RDH13: variants seen among roughly 807,000 people sequenced by gnomAD.
The protein encoded by RDH13 is retinol dehydrogenase 13 (all-trans and 9-cis).
Under a neutral mutation model 28.3 loss-of-function variants are expected in RDH13, and 35 were observed. That is an observed-to-expected ratio of 1.24 (90% CI 0.95 to 1.64). The LOEUF (loss-of-function observed/expected upper bound fraction) is 1.64, where lower values mean the gene tolerates loss of function less well. Ranked by LOEUF, RDH13 falls within the 40% of genes most tolerant of loss-of-function variation. The pLI, the probability that RDH13 is intolerant of heterozygous loss-of-function variation, is 0.00. For missense variants in RDH13, 514 were observed against 446.3 expected (o/e 1.15, Z -1.37); for synonymous variants, 229 against 198.5 (o/e 1.15, Z -1.29).
At chr19:55,054,908 CTACAATGTA>C (rs1027459998) in intron 3 of RDH13, among the ~76,000 whole-genome samples, 2 of 152,022 alleles carry the variant, frequency 1.3e-5, no homozygotes, top group African/African-American at 4.8e-5. Flanking sequence ...TTTAGCCATT[CTACAATGTA>C]TACAATGTAC....
Position 55,049,017 on chromosome 19 carries a change from C to A in RDH13, c.341-254G>T, listed in dbSNP as rs577570582. Among the ~76,000 whole-genome samples, 3 of 152,212 alleles carry A rather than the reference C, an allele frequency of 2.0e-5. No individual in the cohort carries two copies. In the East Asian group the frequency reaches 5.8e-4, roughly 29 times the overall value. On this transcript the variant is annotated intron_variant, in intron 3 of 6. Transcript: ENST00000415061. ...GCCATGTGTGGACAGAGGCAAAGACCGGAGAGGCACAGCTCCAAGGTGAGG... is the reference window on the plus strand; with the variant it reads ...GCCATGTGTGGACAGAGGCAAAGACAGGAGAGGCACAGCTCCAAGGTGAGG...
chr19:55,052,696 C>T (rs551811927), intron 3 of RDH13, among the ~76,000 whole-genome samples: 1 of 150,194 alleles, frequency 6.7e-6, no homozygotes, highest in South Asian at 2.1e-4. Context: ...GAGTCTCACT[C>T]TGTCACCCAG....
At chr19:55,065,219 T>C (rs1201986063), upstream of RDH13, among the ~76,000 whole-genome samples, 1 of 151,048 alleles carries the variant, frequency 6.6e-6, no homozygotes, top group Non-Finnish European at 1.5e-5. Context: ...ACCTTATCTC[T>C]ACAAAAAATA....
At chr19:55,049,810 C>T (rs1354378925) in intron 3 of RDH13, among the ~76,000 whole-genome samples, 6 of 146,178 alleles carry the variant, frequency 4.1e-5, no homozygotes, top group African/African-American at 1.5e-4. Context: ...AAAAAAATCA[C>T]AGTCCCAGAG....
chr19:55,052,428 C>T (rs1386135502), intron 3 of RDH13, among the ~76,000 whole-genome samples: 1 of 151,520 alleles, frequency 6.6e-6, no homozygotes, highest in African/African-American at 2.4e-5. Context: ...CCTGTAATCC[C>T]AGCTACTCGG....
At chr19:55,051,466 C>A (rs2075431644) in intron 3 of RDH13, among the ~76,000 whole-genome samples, 1 of 151,918 alleles carries the variant, frequency 6.6e-6, no homozygotes, top group Middle Eastern at 3.4e-3. Context: ...CTCTGCCACC[C>A]AGGCTGGAGT....
intron 1 of RDH13, 27 bp downstream of exon 1, chr19:55,062,941 G>C: frequency 2.1e-6 from 3 of 1,437,882 alleles, no homozygotes; most frequent in Non-Finnish European, 2.7e-6. Context: ...CGCCTTGACC[G>C]CGCACGCGGG....
intron 1 of RDH13, 95 bp downstream of exon 1, chr19:55,062,873 G>A: frequency 4.4e-6 from 5 of 1,124,562 alleles, no homozygotes; most frequent in Non-Finnish European, 5.9e-6. Context: ...ACGGGGCCTG[G>A]ACCCGGGTGC....
chr19:55,051,694 C>T lies in RDH13; in HGVS notation c.341-2931G>A, dbSNP rs555029151. ...CCACCCGCCTCTGCCTCCCAAAGTG[C>T]AGGGATTACAGGTGTGAGCCACCGC... On this transcript the variant is annotated intron_variant, in intron 3 of 6. Transcript: ENST00000415061. Among the ~76,000 whole-genome samples, 87 of 151,260 alleles carry T rather than the reference C, an allele frequency of 5.8e-4. 1 individual carries two copies. The South Asian group carries it at 0.018, about 32-fold the overall frequency.
Position 55,062,894 on chromosome 19 carries a change from G to A in RDH13, c.65+74C>T, listed in dbSNP as rs575168627. ...CCTGGACCCGGGTGCGAGGGGCGGG[G>A]GTCTCCGCCGCCTTCCCGGCCCCTG... On this transcript the variant is annotated intron_variant, in intron 1 of 6. Transcript: ENST00000415061. The A allele has an allele frequency of 6.0e-5, 76 of 1,260,716 alleles. 2 individuals are homozygous for A. The South Asian group carries it at 1.3e-3, about 21-fold the overall frequency. 78.1% of individuals were successfully genotyped at this position (1,260,716 alleles called of 1,614,324 possible).
At chr19:55,060,879 T>C (rs565459804) in intron 1 of RDH13, among the ~76,000 whole-genome samples, 4 of 150,122 alleles carry the variant, frequency 2.7e-5, no homozygotes, top group South Asian at 2.1e-4. Flanking sequence ...CCAAGGCTGC[T>C]GTACGCATTA....
chr19:55,060,265 G>T (rs971271039), intron 1 of RDH13, among the ~76,000 whole-genome samples: 1 of 152,120 alleles, frequency 6.6e-6, no homozygotes, highest in Middle Eastern at 3.4e-3. Flanking sequence ...TTCTGAGACA[G>T]GAGAAAAGCC....
At chr19:55,044,314 G>T (rs1307593634), downstream of RDH13, 1 of 150,962 alleles carries the variant, frequency 6.6e-6, no homozygotes, top group Non-Finnish European at 1.5e-5. Context: ...CTACGACTCG[G>T]GTACATTTTC....
In RDH13 at chr19:55,044,999, A is replaced by C. The variant is rs2075157955; in HGVS notation, c.*75T>G. 8.7e-7 allele frequency: 1 copy of C among 1,143,618 alleles called. No homozygotes were observed. Among genetic ancestry groups the C allele is most frequent in the Admixed American group, 2.3e-5 (1 of 43,906 alleles). The allele number at this position is 1,143,618 out of a possible 1,614,324, so 70.8% of individuals were successfully genotyped here. On this transcript the variant is annotated 3_prime_UTR_variant, in exon 7 of 7. Coordinates refer to ENST00000415061, the MANE Select transcript of RDH13 (RefSeq NM_001145971.2). ...TGGGTCTCCCGGCTCAGGTAGTGCC[A>C]GGAAGCTGCGGGCATGGCGGACAGC... is the stretch of plus-strand genomic sequence containing the variant.
upstream of RDH13, chr19:55,067,727 C>G (rs2147096422): frequency 6.6e-6 from 1 of 152,314 alleles, no homozygotes; most frequent in East Asian, 1.9e-4. Context: ...TGGAGAGAAG[C>G]ACAGGGGACA....
chr19:55,064,690 G>A (rs1276880006), upstream of RDH13, among the ~76,000 whole-genome samples: 3 of 150,152 alleles, frequency 2.0e-5, no homozygotes, highest in Non-Finnish European at 4.4e-5. Context: ...TCAGCTCACT[G>A]CAACCTCTGC....
upstream of RDH13, chr19:55,064,290 A>AT (rs2075900009): frequency 6.6e-6 from 1 of 151,850 alleles, no homozygotes; most frequent in African/African-American, 2.4e-5. Context: ...ATGTGGTGGC[A>AT]CTCACCTGTA....
chr19:55,048,364 A>G lies in RDH13; in HGVS notation c.623T>C (p.Val208Ala), dbSNP rs527304148. The G allele has an allele frequency of 1.4e-5, 23 of 1,614,152 alleles. No individual in the cohort carries two copies. In the South Asian group the frequency reaches 2.5e-4, roughly 18 times the overall value. Residue 208 changes from valine to alanine, a missense_variant, in exon 5 of 7, where the codon GTC becomes GCC. By Grantham distance (64) the Val-to-Ala change is moderately conservative (BLOSUM62 0). Transcript: ENST00000415061. ...CCGGCTCAGCTCCTTGGTGAAGAGG[A>G]CGATGGCGAGCTTGCTCTGGCAGTA... is the stretch of plus-strand genomic sequence containing the variant. ...AAYCQSKLAI[V>A]LFTKELSRRL...
At chr19:55,062,411 G>C (rs1408529071) in intron 1 of RDH13, among the ~76,000 whole-genome samples, 2 of 152,182 alleles carry the variant, frequency 1.3e-5, no homozygotes, top group East Asian at 3.9e-4. Flanking sequence ...GGCTGGGCGA[G>C]GTGGCTCACG....
Sources: gnomAD v4.1 joint callset for allele counts (sites outside exome capture counted in the v4.1 genomes callset) on GRCh38, gnomAD v4.1.1 for gene constraint, MANE v1.5 for transcripts, NCBI Gene and HGNC (gene_info 2026-07-23, HGNC 2026-07-21) for gene names.